Variants in SMIM35 observed in about 807,000 individuals in gnomAD.
SMIM35 encodes TMPRSS4 antisense RNA 1 (non-protein coding).
chr11:118,053,103 C>T (rs572867084), intron 1 of SMIM35, among the ~76,000 whole-genome samples: 18 of 152,140 alleles, frequency 1.2e-4, no homozygotes, highest in Non-Finnish European at 2.4e-4. Context: ...GTCAGGAGTT[C>T]AAGACCAGCC....
chr11:118,021,261 T>A (rs1468964673), intron 1 of SMIM35, among the ~76,000 whole-genome samples: 1 of 152,132 alleles, frequency 6.6e-6, no homozygotes, highest in African/African-American at 2.4e-5. Context: ...AAGTTTGACA[T>A]TAACAATAAA....
chr11:118,008,722 T>G (rs2058135447), intron 4 of SMIM35, among the ~76,000 whole-genome samples: 1 of 152,248 alleles, frequency 6.6e-6, no homozygotes, highest in Non-Finnish European at 1.5e-5. Flanking sequence ...CAAGATGTTC[T>G]GAAGAGAGAT....
intron 1 of SMIM35, among the ~76,000 whole-genome samples, chr11:118,079,583 C>G (rs938873302): frequency 2.0e-5 from 3 of 152,194 alleles, no homozygotes; most frequent in Non-Finnish European, 4.4e-5. Flanking sequence ...ATTACTGTTC[C>G]GGAGACCTAA....
intron 4 of SMIM35, among the ~76,000 whole-genome samples, chr11:118,007,732 C>A (rs1157221690): frequency 2.0e-5 from 3 of 151,978 alleles, no homozygotes; most frequent in Non-Finnish European, 4.4e-5. Context: ...ATCATCCCCC[C>A]AGTGGTTCTC....
At chr11:118,044,145 T>C (rs1222104848) in intron 1 of SMIM35, among the ~76,000 whole-genome samples, 1 of 151,980 alleles carries the variant, frequency 6.6e-6, no homozygotes. Context: ...TTGAAATGCA[T>C]TTTCTATAAT....
At chr11:118,058,064 T>C (rs1336157000) in intron 1 of SMIM35, among the ~76,000 whole-genome samples, 2 of 152,232 alleles carry the variant, frequency 1.3e-5, no homozygotes, top group Admixed American at 6.5e-5. Flanking sequence ...TGTGACCTAG[T>C]TGACATAGGG....
chr11:118,068,527 G>A (rs181435798), intron 1 of SMIM35, among the ~76,000 whole-genome samples: 9 of 152,282 alleles, frequency 5.9e-5, no homozygotes, highest in African/African-American at 2.2e-4. Context: ...CAGAGACGGG[G>A]GTGAGGCCAA....
At chr11:118,080,887 G>C (rs573808147) in intron 1 of SMIM35, among the ~76,000 whole-genome samples, 1 of 152,288 alleles carries the variant, frequency 6.6e-6, no homozygotes, top group African/African-American at 2.4e-5. Flanking sequence ...GAAAACATCA[G>C]CCTCAGTAAA....
intron 1 of SMIM35, among the ~76,000 whole-genome samples, chr11:118,034,140 G>A (rs2058340029): frequency 6.6e-6 from 1 of 151,868 alleles, no homozygotes; most frequent in Non-Finnish European, 1.5e-5. Flanking sequence ...ATGATGACAA[G>A]CACCTGTAAT....
At chr11:118,071,429 C>A (rs1944569487) in intron 1 of SMIM35, among the ~76,000 whole-genome samples, 1 of 152,194 alleles carries the variant, frequency 6.6e-6, no homozygotes, top group Non-Finnish European at 1.5e-5. Flanking sequence ...AGTGAATCAA[C>A]AGGGAGCCTG....
intron 4 of SMIM35, among the ~76,000 whole-genome samples, chr11:118,009,646 G>A (rs1207143942): frequency 1.3e-5 from 2 of 150,522 alleles, no homozygotes; most frequent in South Asian, 2.1e-4. Context: ...TTGACACTTT[G>A]TACTTGCATC....
At chr11:118,060,047 C>T (rs1359890038) in intron 1 of SMIM35, among the ~76,000 whole-genome samples, 1 of 152,226 alleles carries the variant, frequency 6.6e-6, no homozygotes, top group Non-Finnish European at 1.5e-5. Flanking sequence ...CCTGTGAGGG[C>T]CCAGGAGGAG....
intron 1 of SMIM35, among the ~76,000 whole-genome samples, chr11:118,041,384 G>A (rs998119089): frequency 3.1e-4 from 47 of 152,030 alleles, no homozygotes; most frequent in African/African-American, 1.1e-3. Flanking sequence ...AACATCCCCT[G>A]GATAGACCAT....
chr11:118,036,585 G>A (rs542472857), intron 1 of SMIM35, among the ~76,000 whole-genome samples: 1 of 152,222 alleles, frequency 6.6e-6, no homozygotes, highest in African/African-American at 2.4e-5. Flanking sequence ...TAAGCTGGGG[G>A]TGCCTGGGGA....
chr11:118,054,252 ATGTCAACTT>A (rs1475791108), intron 1 of SMIM35, among the ~76,000 whole-genome samples: 1 of 151,642 alleles, frequency 6.6e-6, no homozygotes, highest in Non-Finnish European at 1.5e-5. Flanking sequence ...CATTATCACC[ATGTCAACTT>A]TGTGTGGACG....
chr11:118,078,581 G>A (rs1214621628), intron 1 of SMIM35, among the ~76,000 whole-genome samples: 1 of 152,166 alleles, frequency 6.6e-6, no homozygotes, highest in Non-Finnish European at 1.5e-5. Flanking sequence ...CCCAAAGTTT[G>A]GCCTGTGTGC....
In SMIM35 at chr11:118,037,209, A is replaced by G. The variant is rs765679197; in HGVS notation, c.8-21400T>C. Among the ~76,000 whole-genome samples the G allele has an allele frequency of 9.5e-4, 145 of 152,126 alleles. 2 individuals are homozygous for G. Among genetic ancestry groups the G allele is most frequent in the Non-Finnish European group, 4.4e-4 (30 of 68,034 alleles). The stretch of plus-strand genomic sequence containing the variant: ...GGGTGTAGTAGCGGTTGTGCAGTTG[A>G]GATTTTCTCAGGAGGATGCCTTCGA... On this transcript the variant is annotated intron_variant, in intron 1 of 4. Transcript: ENST00000689828.
At chr11:118,076,817 C>T (rs1944704961) in intron 1 of SMIM35, among the ~76,000 whole-genome samples, 1 of 152,132 alleles carries the variant, frequency 6.6e-6, no homozygotes, top group East Asian at 1.9e-4. Context: ...AGTCATGCAC[C>T]TAGAAGGTAG....
At chr11:118,044,288 T>G (rs1317295760) in intron 1 of SMIM35, among the ~76,000 whole-genome samples, 1 of 147,266 alleles carries the variant, frequency 6.8e-6, no homozygotes, top group Non-Finnish European at 1.5e-5. Context: ...AAACCAAATC[T>G]TAGTCACTGA....
Sources: gnomAD v4.1 joint callset for allele counts (sites outside exome capture counted in the v4.1 genomes callset) on GRCh38, gnomAD v4.1.1 for gene constraint, MANE v1.5 for transcripts, NCBI Gene and HGNC (gene_info 2026-07-23, HGNC 2026-07-21) for gene names.